Variants in FECH observed in about 807,000 individuals in gnomAD.
FECH encodes the protein ferrochelatase.
In FECH, 40 loss-of-function variants were observed where a neutral mutation model predicts 56.9. That is an observed-to-expected ratio of 0.70 (90% CI 0.55 to 0.92). The LOEUF is 0.92. Among genes scored for constraint, FECH ranks in the 40% least tolerant of loss-of-function variants. The probability of loss-of-function intolerance (pLI) is 0.00; values close to 1 mark genes in which losing one functional copy is unlikely to be tolerated. For missense variants in FECH, 431 were observed against 529.1 expected, an observed-to-expected ratio of 0.81 and a Z score of 1.82; for synonymous variants, 175 against 198.6, an observed-to-expected ratio of 0.88 and a Z score of 1.00.
intron 5 of FECH, among the ~76,000 whole-genome samples, chr18:57,563,956 G>A (rs1046253427): frequency 8.5e-5 from 13 of 152,058 alleles, no homozygotes; most frequent in East Asian, 5.8e-4. Context: ...TCAGCTTACC[G>A]CAACCTCCAA....
At chr18:57,572,185 C>T (rs1193241874) in intron 3 of FECH, among the ~76,000 whole-genome samples, 1 of 152,094 alleles carries the variant, frequency 6.6e-6, no homozygotes, top group Admixed American at 6.5e-5. Flanking sequence ...CCCAAATGTC[C>T]ATCAATGATA....
chr18:57,554,472 G>C, intron 8 of FECH, 48 bp from the exon 9 acceptor site: 5 of 1,606,428 alleles, frequency 3.1e-6, no homozygotes, highest in Non-Finnish European at 4.3e-6. Flanking sequence ...CCTCCTGACG[G>C]TCTGTAGTAC....
chr18:57,580,559 G>GA (rs3216686), intron 1 of FECH, among the ~76,000 whole-genome samples: 82,916 of 152,006 alleles, frequency 0.55, 23,023 homozygotes, highest in African/African-American at 0.62. Context: ...AGGGGCTGCA[G>GA]AAAAGTGAAA....
chr18:57,572,046 G>T (rs1302794572), intron 3 of FECH, among the ~76,000 whole-genome samples: 3 of 152,180 alleles, frequency 2.0e-5, no homozygotes, highest in Non-Finnish European at 4.4e-5. Context: ...AACAAATTAA[G>T]TTACAGCCAT....
chr18:57,579,265 A>ATATATATATGTGTGTGTATC lies in FECH; in HGVS notation c.194+807_194+808insGATACACACACATATATATA, dbSNP rs1555681587. 7.1e-4 allele frequency among the ~76,000 whole-genome samples: 88 copies of ATATATATATGTGTGTGTATC among 123,836 alleles called. 3 individuals are homozygous for ATATATATATGTGTGTGTATC. Among genetic ancestry groups the ATATATATATGTGTGTGTATC allele is most frequent in the Admixed American group, 6.7e-3 (85 of 12,624 alleles). 81.2% of individuals were successfully genotyped at this position (123,836 alleles called of 152,430 possible). ...TCTCTCAAAAAAAAAAAAAAGATAT[A>ATATATATATGTGTGTGTATC]TATATATATGTGTGTGTGTATATAT... On this transcript the variant is annotated intron_variant, in intron 2 of 10. Transcript: ENST00000262093.
intron 10 of FECH, 118 bp from the exon 11 acceptor site, chr18:57,550,964 T>C: frequency 2.2e-6 from 3 of 1,359,166 alleles, no homozygotes; most frequent in Non-Finnish European, 3.1e-6. Flanking sequence ...TTCATCCGAG[T>C]GGTGAGCCCT....
chr18:57,562,739 T>G, intron 6 of FECH, 135 bp downstream of exon 6: 1 of 695,064 alleles, frequency 1.4e-6, no homozygotes, highest in South Asian at 1.6e-5. Context: ...ATATAATACT[T>G]TTATTTAATC....
Position 57,545,978 on chromosome 18 carries a change from C to A in FECH, c.*4734G>T, listed in dbSNP as rs537614750. ...ATTGGCAGGGAATTGGTTCCAGGAT[C>A]CCCCACAGATACTAAAAGTTATCCA... is the stretch of plus-strand genomic sequence containing the variant. On this transcript the variant is annotated 3_prime_UTR_variant, in exon 11 of 11. Transcript: ENST00000262093. Among the ~76,000 whole-genome samples, 2 of 152,230 alleles carry A rather than the reference C, an allele frequency of 1.3e-5. No individual in the cohort carries two copies. The highest frequency in any genetic ancestry group is 1.9e-4 in the East Asian group (1 of 5,188).
intron 2 of FECH, among the ~76,000 whole-genome samples, chr18:57,577,201 A>C (rs745628185): frequency 3.3e-5 from 5 of 152,184 alleles, no homozygotes; most frequent in Non-Finnish European, 7.3e-5. Context: ...CTAGAACAGA[A>C]TTTGGTGAAC....
intron 2 of FECH, among the ~76,000 whole-genome samples, chr18:57,579,477 G>A (rs2051242901): frequency 1.3e-5 from 2 of 151,996 alleles, no homozygotes; most frequent in Admixed American, 1.3e-4. Flanking sequence ...GTCTTCTGTT[G>A]CCTCTGTACA....
intron 2 of FECH, among the ~76,000 whole-genome samples, chr18:57,573,858 G>C (rs768774604): frequency 1.1e-4 from 17 of 152,142 alleles, no homozygotes; most frequent in Non-Finnish European, 2.1e-4. Context: ...AGCACGTGCT[G>C]GCACATGGTA....
At chr18:57,572,260 T>C (rs1460213762) in intron 3 of FECH, among the ~76,000 whole-genome samples, 2 of 151,940 alleles carry the variant, frequency 1.3e-5, no homozygotes, top group African/African-American at 4.8e-5. Context: ...ATGTCCTTTG[T>C]AGGGACATGG....
chr18:57,563,512 G>A (rs2050973201), intron 5 of FECH, among the ~76,000 whole-genome samples: 1 of 137,042 alleles, frequency 7.3e-6, no homozygotes, highest in African/African-American at 2.7e-5. Context: ...CCCAGGAGGT[G>A]GAGGTTATGG....
At chr18:57,583,546 A>C (rs1212663761) in intron 1 of FECH, among the ~76,000 whole-genome samples, 1 of 152,270 alleles carries the variant, frequency 6.6e-6, no homozygotes, top group East Asian at 1.9e-4. Flanking sequence ...TGCCTTGCAC[A>C]CTGCATGTGG....
intron 2 of FECH, among the ~76,000 whole-genome samples, chr18:57,579,287 A>ATGTGTGTGTG (rs201260921): frequency 7.9e-5 from 7 of 89,058 alleles, no homozygotes; most frequent in African/African-American, 3.1e-4. Flanking sequence ...GTGTGTGTAT[A>ATGTGTGTGTG]TATGTGTGTG....
intron 6 of FECH, among the ~76,000 whole-genome samples, chr18:57,561,598 C>G (rs921288524): frequency 1.3e-5 from 2 of 152,224 alleles, no homozygotes; most frequent in African/African-American, 4.8e-5. Flanking sequence ...CTAAAATTCC[C>G]TTTCATTTTA....
intron 5 of FECH, among the ~76,000 whole-genome samples, chr18:57,564,173 C>T (rs780244271): frequency 2.3e-4 from 35 of 152,120 alleles, no homozygotes; most frequent in Admixed American, 3.9e-4. Context: ...CCACCGCGCC[C>T]AGCATAACTA....
rs934829305 is a variant in FECH at position 57,544,447 on chromosome 18, TAATAA to T, written c.*6260_*6264del. Among the ~76,000 whole-genome samples the T allele has an allele frequency of 2.0e-5, 3 of 152,206 alleles. No individual in the cohort carries two copies. Among genetic ancestry groups the T allele is most frequent in the African/African-American group, 7.2e-5 (3 of 41,452 alleles). On this transcript the variant is annotated 3_prime_UTR_variant, in exon 11 of 11. Transcript: ENST00000262093. Reference sequence around the variant, plus strand: ...TGTGGAATACACAATTTACAAATAATAATAAAATACACAATACACTTTCCTACAAA... The same window carrying T: ...TGTGGAATACACAATTTACAAATAATAATACACAATACACTTTCCTACAAA...
chr18:57,560,070 A>T (rs1463731752), intron 6 of FECH, among the ~76,000 whole-genome samples: 1 of 152,244 alleles, frequency 6.6e-6, no homozygotes, highest in Non-Finnish European at 1.5e-5. Flanking sequence ...AAAGACACAA[A>T]TGGGTCAACT....
Sources: allele counts gnomAD v4.1 joint callset (sites outside exome capture counted in the v4.1 genomes callset), GRCh38; gene constraint gnomAD v4.1.1; transcripts MANE v1.5; gene names NCBI Gene and HGNC (gene_info 2026-07-23, HGNC 2026-07-21).